MGAT5B: variants seen among roughly 807,000 people sequenced by gnomAD.
The protein encoded by MGAT5B is N-acetylglucosaminyl-transferase Vb.
Under a neutral mutation model 95.1 loss-of-function variants are expected in MGAT5B, and 54 were observed. The observed-to-expected ratio is 0.57, with a 90% CI of 0.46 to 0.71. MGAT5B has a LOEUF of 0.71. Ranked by LOEUF, MGAT5B falls within the 30% of genes least tolerant of loss-of-function variation. The pLI, the probability that MGAT5B is intolerant of heterozygous loss-of-function variation, is 0.00. For synonymous variants in MGAT5B, 464 were observed against 451.0 expected (o/e 1.03, Z -0.36); for missense variants, 935 against 1,088.6 (o/e 0.86, Z 1.99).
intron 8 of MGAT5B, among the ~76,000 whole-genome samples, chr17:76,924,580 A>G (rs1276259098): frequency 6.8e-6 from 1 of 147,944 alleles, no homozygotes; most frequent in Non-Finnish European, 1.5e-5. Context: ...GCCCTCATCC[A>G]GACAAACACG....
chr17:76,885,734 A>G (rs987346818), intron 3 of MGAT5B, among the ~76,000 whole-genome samples: 5 of 152,186 alleles, frequency 3.3e-5, no homozygotes, highest in Non-Finnish European at 7.3e-5. Context: ...GGTTTCAGGG[A>G]GAGAAATGGT....
intron 3 of MGAT5B, among the ~76,000 whole-genome samples, chr17:76,887,772 G>A (rs1180817125): frequency 6.6e-6 from 1 of 151,594 alleles, no homozygotes; most frequent in African/African-American, 2.4e-5. Context: ...GCCCAGGCTG[G>A]TCTCGAACTC....
intron 2 of MGAT5B, among the ~76,000 whole-genome samples, chr17:76,874,856 G>A (rs1007186651): frequency 6.6e-6 from 1 of 152,134 alleles, no homozygotes; most frequent in African/African-American, 2.4e-5. Flanking sequence ...GCAGGTCTGG[G>A]TCTAAAGATG....
chr17:76,893,692 G>T (rs1967964740), intron 3 of MGAT5B, among the ~76,000 whole-genome samples: 1 of 152,180 alleles, frequency 6.6e-6, no homozygotes, highest in Admixed American at 6.5e-5. Context: ...TCAGGGTTAG[G>T]GTGGTTGTTG....
chr17:76,882,046 T>C (rs1037182467), intron 2 of MGAT5B, 105 bp from the exon 3 acceptor site: 56 of 1,249,566 alleles, frequency 4.5e-5, no homozygotes, highest in Non-Finnish European at 5.3e-5. Context: ...TGGTTGGTGC[T>C]GGGGGACTTT....
At chr17:76,913,320 C>G (rs1362595883) in intron 8 of MGAT5B, among the ~76,000 whole-genome samples, 1 of 152,230 alleles carries the variant, frequency 6.6e-6, no homozygotes, top group African/African-American at 2.4e-5. Context: ...CTGGATATGA[C>G]TGGCACAGAC....
chr17:76,904,398 A>C lies in MGAT5B; in HGVS notation c.666A>C (p.Ala222=). 1 of 1,562,746 alleles carries C rather than the reference A, an allele frequency of 6.4e-7. No homozygotes were observed. Among genetic ancestry groups the C allele is most frequent in the African/African-American group, 1.4e-5 (1 of 73,906 alleles). Residue 222 remains alanine, a synonymous_variant, in exon 6 of 18, where the codon GCA becomes GCC. Coordinates refer to ENST00000569840, the MANE Select transcript of MGAT5B (RefSeq NM_001199172.2). ...GGAACCAGACGGCTGCCCAGAGGGC[A>C]CCCAAGCCCCTCCCCAAAGTCCAGG... ...PWRNQTAAQR[A]PKPLPKVQAV... is the part of the protein sequence containing the mutation.
intron 12 of MGAT5B, among the ~76,000 whole-genome samples, chr17:76,937,215 A>G (rs1312091609): frequency 6.6e-6 from 1 of 152,214 alleles, no homozygotes; most frequent in Non-Finnish European, 1.5e-5. Flanking sequence ...GCTCTGTTTC[A>G]TCCTTTTCTC....
intron 4 of MGAT5B, 34 bp from the exon 5 acceptor site, chr17:76,903,269 C>T: frequency 6.3e-7 from 1 of 1,584,716 alleles, no homozygotes; most frequent in Non-Finnish European, 8.6e-7. Flanking sequence ...CCTCCTTGGA[C>T]CAGGGACTTC....
rs932024208 is a variant in MGAT5B, at chr17:76,889,732, G to A, written c.329+7434G>A. 2.6e-5 allele frequency among the ~76,000 whole-genome samples: 4 copies of A among 152,288 alleles called. No homozygotes were observed. Among genetic ancestry groups the A allele is most frequent in the East Asian group, 1.9e-4 (1 of 5,180 alleles). ...TGGGCACCAAGCTCACTAGAGCTTGGTGAGGAGGATCCCATCCAGGTCTGA... is the reference window on the plus strand; with the variant it reads ...TGGGCACCAAGCTCACTAGAGCTTGATGAGGAGGATCCCATCCAGGTCTGA... On this transcript the variant is annotated intron_variant, in intron 3 of 17. Transcript: ENST00000569840. This position sits in a 1 kb window ranked among gnomAD's most constrained non-coding sequence, Gnocchi z 4.4.
In MGAT5B at chr17:76,914,730, C is replaced by T. The variant is rs776050030; in HGVS notation, c.1025+8543C>T. On this transcript the variant is annotated intron_variant, in intron 8 of 17. Transcript: ENST00000569840. The surrounding 1 kb of genome is among the most constrained non-coding windows in gnomAD (Gnocchi z 5.1). ...CTCGGCTCACTGCATCCTCCACCTC[C>T]GGGTTCAAGTGATTCTCCTGCCTCA... is the stretch of plus-strand genomic sequence containing the variant. 4.7e-4 allele frequency among the ~76,000 whole-genome samples: 72 copies of T among 152,272 alleles called. No individual in the cohort carries two copies. The highest frequency in any genetic ancestry group is 8.7e-4 in the Non-Finnish European group (59 of 68,016).
intron 17 of MGAT5B, among the ~76,000 whole-genome samples, 197 bp from the exon 18 acceptor site, chr17:76,948,443 G>A (rs1439894953): frequency 6.6e-6 from 1 of 152,284 alleles, no homozygotes; most frequent in Admixed American, 6.5e-5. Context: ...TCCAGGCCAG[G>A]CCCCTCTCTT....
Position 76,870,279 on chromosome 17 carries a change from G to A in MGAT5B, c.68+1182G>A, listed in dbSNP as rs907453292. The stretch of plus-strand genomic sequence containing the variant: ...GGCCGAGGAGGCAACCCCAGGGGAC[G>A]GCAGGGGTCAGGCTGGACCTCTGCG... On this transcript the variant is annotated intron_variant, in intron 1 of 17. Transcript: ENST00000569840. The surrounding 1 kb of genome is among the most constrained non-coding windows in gnomAD (Gnocchi z 5.0). Among the ~76,000 whole-genome samples, 1 of 152,158 alleles carries A rather than the reference G, an allele frequency of 6.6e-6. No individual in the cohort carries two copies.
intron 15 of MGAT5B, among the ~76,000 whole-genome samples, chr17:76,944,592 G>A (rs1041449107): frequency 5.3e-5 from 8 of 152,142 alleles, no homozygotes; most frequent in Non-Finnish European, 1.2e-4. Flanking sequence ...CAGAGCACGG[G>A]GCTTCAAGGC....
rs74255208 is a variant in MGAT5B, at chr17:76,941,559, G to A, written c.1848+711G>A. 4.6e-5 allele frequency among the ~76,000 whole-genome samples: 7 copies of A among 152,340 alleles called. No homozygotes were observed. In the East Asian group the frequency reaches 9.7e-4, roughly 21 times the overall value. ...CTTGCTATAGCTCAGATGATAGGCT[G>A]AGCAAAAATAATTGCTCCAGGCCGG... On this transcript the variant is annotated intron_variant, in intron 15 of 17. Transcript: ENST00000569840.
intron 3 of MGAT5B, among the ~76,000 whole-genome samples, chr17:76,893,273 C>G (rs1967946904): frequency 6.6e-6 from 1 of 152,156 alleles, no homozygotes; most frequent in Admixed American, 6.5e-5. Context: ...CGTTTGGTTC[C>G]TCTGTGCCCA....
At chr17:76,873,032 T>C in intron 2 of MGAT5B, 69 bp downstream of exon 2, 1 of 1,561,050 alleles carries the variant, frequency 6.4e-7, no homozygotes, top group Admixed American at 1.7e-5. Context: ...GAAGTGCCTC[T>C]GAGCCTAGCC....
At chr17:76,902,985 G>A (rs918945806) in intron 4 of MGAT5B, among the ~76,000 whole-genome samples, 3 of 141,730 alleles carry the variant, frequency 2.1e-5, no homozygotes, top group South Asian at 2.2e-4. Flanking sequence ...GGGGAGCAGC[G>A]AGCTGGGGGC....
At position 76,915,211 on chromosome 17, in the gene MGAT5B, A is replaced by G. The variant is rs543999796; in HGVS notation, c.1025+9024A>G. Among the ~76,000 whole-genome samples the G allele has an allele frequency of 4.7e-5, 7 of 149,822 alleles. No individual in the cohort carries two copies. The highest frequency in any genetic ancestry group is 1.0e-4 in the Non-Finnish European group (7 of 67,968). On this transcript the variant is annotated intron_variant, in intron 8 of 17. Coordinates refer to ENST00000569840, the MANE Select transcript of MGAT5B (RefSeq NM_001199172.2). The surrounding 1 kb of genome is among the most constrained non-coding windows in gnomAD (Gnocchi z 8.7). The stretch of plus-strand genomic sequence containing the variant: ...TAGGGAGGTTGTGGACATAGGAGGG[A>G]GAGAGTATTGCTGGCAGTGGCTTCA...
Sources: allele counts gnomAD v4.1 joint callset (sites outside exome capture counted in the v4.1 genomes callset), GRCh38; gene constraint gnomAD v4.1.1; non-coding constraint Gnocchi (gnomAD v3.1); transcripts MANE v1.5; gene names NCBI Gene and HGNC (gene_info 2026-07-23, HGNC 2026-07-21).